The following SLC4A7 variants were observed in gnomAD, a reference collection of about 807,000 sequenced individuals.
SLC4A7 encodes the protein solute carrier family 4 member 7, also known as sodium bicarbonate cotransporter 3.
SLC4A7 carries 51 observed loss-of-function variants against 137.6 expected under a neutral mutation model. That is an observed-to-expected ratio of 0.37 (90% CI 0.30 to 0.47). The LOEUF (loss-of-function observed/expected upper bound fraction) is 0.47. Among genes scored for constraint, SLC4A7 ranks in the 20% least tolerant of loss-of-function variants. The pLI, the probability that SLC4A7 is intolerant of heterozygous loss-of-function variation, is 1.00. For synonymous variants in SLC4A7, 542 were observed against 518.6 expected (o/e 1.05, Z -0.61); for missense variants, 1,247 against 1,525.4 (o/e 0.82, Z 3.04).
intron 7 of SLC4A7, among the ~76,000 whole-genome samples, chr3:27,429,675 C>A (rs2056063750): frequency 1.3e-5 from 2 of 151,500 alleles, no homozygotes; most frequent in Non-Finnish European, 2.9e-5. Context: ...CATGGTGAAA[C>A]CCCGTCTCTA....
Position 27,448,740 on chromosome 3 carries a change from C to T in SLC4A7, c.200G>A (p.Arg67His), listed in dbSNP as rs148308402. The change falls in exon 3 of 26, where the codon CGT becomes CAT. Residue 67 changes from arginine to histidine, a missense_variant. This residue lies in a region of SLC4A7 where 176 missense variants were observed against 186.4 expected (regional missense o/e 0.94). Transcript: ENST00000454389. ...ATGTTTGTGTCCGCGATGCCTATGA[C>T]GCCGACGACTCTCTTTACTAAACGG... ...HVPFSKESRR[R>H]HRHRGHKHHH... 733 of 1,613,234 alleles carry T rather than the reference C, an allele frequency of 4.5e-4. No individual in the cohort carries two copies. Among genetic ancestry groups the T allele is most frequent in the Non-Finnish European group, 5.7e-4 (667 of 1,179,406 alleles).
chr3:27,406,873 G>C (rs140781970), intron 13 of SLC4A7, among the ~76,000 whole-genome samples: 30 of 152,212 alleles, frequency 2.0e-4, no homozygotes, highest in African/African-American at 6.5e-4. Context: ...AGAGAGCTGA[G>C]ATCATGCCAC....
intron 7 of SLC4A7, among the ~76,000 whole-genome samples, chr3:27,429,385 G>C (rs898876925): frequency 2.6e-5 from 4 of 152,074 alleles, no homozygotes; most frequent in Admixed American, 2.6e-4. Flanking sequence ...AAAATTTCAA[G>C]GTAAATTTGG....
intron 1 of SLC4A7, among the ~76,000 whole-genome samples, chr3:27,480,076 C>T (rs1445844181): frequency 6.6e-6 from 1 of 152,206 alleles, no homozygotes; most frequent in Non-Finnish European, 1.5e-5. Flanking sequence ...CCAGGTTCCT[C>T]CAATACCAGG....
intron 1 of SLC4A7, among the ~76,000 whole-genome samples, chr3:27,457,727 T>C (rs549658016): frequency 6.6e-5 from 10 of 152,306 alleles, no homozygotes; most frequent in African/African-American, 2.4e-4. Context: ...AAATGTCACA[T>C]TTCATTAAAC....
chr3:27,458,478 T>A (rs1332727452), intron 1 of SLC4A7, among the ~76,000 whole-genome samples: 1 of 152,172 alleles, frequency 6.6e-6, no homozygotes, highest in African/African-American at 2.4e-5. Context: ...GCTTCTAAAC[T>A]TCTCCAAGAA....
intron 5 of SLC4A7, among the ~76,000 whole-genome samples, 160 bp from the exon 6 acceptor site, chr3:27,434,264 C>T (rs896238442): frequency 6.6e-6 from 1 of 151,958 alleles, no homozygotes; most frequent in African/African-American, 2.4e-5. Flanking sequence ...CATTATCCAA[C>T]CAATAAAAAT....
chr3:27,440,662 A>G (rs996266310), intron 3 of SLC4A7, among the ~76,000 whole-genome samples: 4 of 152,054 alleles, frequency 2.6e-5, no homozygotes, highest in African/African-American at 9.7e-5. Context: ...CAGGAGGCAA[A>G]GGCTACAGTG....
rs2053700934 is a variant in SLC4A7 at position 27,409,527 on chromosome 3, A to T, written c.1770T>A (p.Leu590=). 2.5e-6 allele frequency: 4 copies of T among 1,610,558 alleles called. No individual in the cohort carries two copies. The highest frequency in any genetic ancestry group is 1.7e-4 in the Middle Eastern group (1 of 6,048). ...TGATGTCAAGTATCAAACCACCAAA[A>T]AGCCTAAATAGGTGAGATGAAACTC... ...AGPELQRTGR[L]FGGLILDIKR... The change falls in exon 13 of 26, where the codon CTT becomes CTA. Residue 590 remains leucine (L), a synonymous_variant. Transcript: ENST00000454389.
intron 11 of SLC4A7, among the ~76,000 whole-genome samples, chr3:27,418,079 A>G (rs2054569446): frequency 6.6e-6 from 1 of 152,232 alleles, no homozygotes; most frequent in Non-Finnish European, 1.5e-5. Flanking sequence ...GACTGGTAAC[A>G]TCAGAACCCA....
At position 27,470,896 on chromosome 3, in the gene SLC4A7, C is replaced by G. The variant is rs575395616; in HGVS notation, c.60+13171G>C. ...GGCGGAGGTTGCAATGAGCCGAGAT[C>G]GCGCCACTGCACTCCAGCCTAGTGA... On this transcript the variant is annotated intron_variant, in intron 1 of 25. Transcript: ENST00000454389. 2.0e-5 allele frequency among the ~76,000 whole-genome samples: 3 copies of G among 152,204 alleles called. No homozygotes were observed. In the East Asian group the frequency reaches 5.8e-4, roughly 29 times the overall value.
intron 11 of SLC4A7, among the ~76,000 whole-genome samples, chr3:27,415,334 T>C (rs1412829121): frequency 6.6e-6 from 1 of 152,202 alleles, no homozygotes; most frequent in Admixed American, 6.5e-5. Flanking sequence ...CCTTCTCATA[T>C]AACAAAAAGA....
intron 1 of SLC4A7, among the ~76,000 whole-genome samples, chr3:27,483,749 A>G (rs13314249): frequency 0.035 from 5,285 of 152,028 alleles, 108 homozygotes; most frequent in East Asian, 0.066. Context: ...GCGCTGAGGG[A>G]AGGGATGGAT....
intron 23 of SLC4A7, among the ~76,000 whole-genome samples, chr3:27,385,006 T>A (rs1387644805): frequency 6.6e-6 from 1 of 152,168 alleles, no homozygotes; most frequent in African/African-American, 2.4e-5. Flanking sequence ...ACCAAAATCT[T>A]AATTTTAAAA....
At chr3:27,470,987 A>G (rs2059221716) in intron 1 of SLC4A7, among the ~76,000 whole-genome samples, 1 of 152,170 alleles carries the variant, frequency 6.6e-6, no homozygotes, top group Non-Finnish European at 1.5e-5. Flanking sequence ...CAAACCCTGG[A>G]AAGAAACACA....
At chr3:27,466,556 G>A (rs1176187503) in intron 1 of SLC4A7, among the ~76,000 whole-genome samples, 1 of 152,054 alleles carries the variant, frequency 6.6e-6, no homozygotes, top group African/African-American at 2.4e-5. Flanking sequence ...GGACAGCCGT[G>A]GTGATTCACA....
chr3:27,432,256 CAG>C (rs2056373995), intron 6 of SLC4A7, among the ~76,000 whole-genome samples: 1 of 152,046 alleles, frequency 6.6e-6, no homozygotes, highest in African/African-American at 2.4e-5. Flanking sequence ...AGACAAATAA[CAG>C]AAATTTTTTA....
chr3:27,390,821 GTGTT>G (rs903410914), intron 21 of SLC4A7, among the ~76,000 whole-genome samples: 18 of 152,074 alleles, frequency 1.2e-4, no homozygotes, highest in East Asian at 1.9e-4. Context: ...TTTTTTGTGT[GTGTT>G]TGTTTGTTTG....
intron 7 of SLC4A7, among the ~76,000 whole-genome samples, chr3:27,430,352 A>G (rs909998205): frequency 6.6e-6 from 1 of 151,344 alleles, no homozygotes; most frequent in African/African-American, 2.4e-5. Flanking sequence ...GACGCAATCA[A>G]TGGCCCACAC....
Sources: gnomAD v4.1 joint callset for allele counts (sites outside exome capture counted in the v4.1 genomes callset) on GRCh38, gnomAD v4.1.1 for gene constraint, gnomAD v4.1.1 regional missense constraint, MANE v1.5 for transcripts, NCBI Gene and HGNC (gene_info 2026-07-23, HGNC 2026-07-21) for gene names.